SPIDR: variants seen among roughly 807,000 people sequenced by gnomAD.
SPIDR encodes the protein DNA repair-scaffolding protein.
A neutral mutation model predicts 104.6 loss-of-function variants in SPIDR; 93 were observed. The observed-to-expected ratio is 0.89, with a 90% CI of 0.75 to 1.06. SPIDR has a LOEUF of 1.06. Ranked by LOEUF, SPIDR falls within the 50% of genes least tolerant of loss-of-function variation. The pLI, the probability that SPIDR is intolerant of heterozygous loss-of-function variation, is 0.00. For missense variants in SPIDR, 1,154 were observed against 1,111.2 expected, an observed-to-expected ratio of 1.04 and a Z score of -0.55; for synonymous variants, 431 against 416.9, an observed-to-expected ratio of 1.03 and a Z score of -0.41.
At chr8:47,695,757 G>C (rs1393490565) in intron 11 of SPIDR, among the ~76,000 whole-genome samples, 1 of 152,186 alleles carries the variant, frequency 6.6e-6, no homozygotes, top group Non-Finnish European at 1.5e-5. Flanking sequence ...TTTTCCAAAT[G>C]ACATTTGTCA....
At chr8:47,563,255 G>C (rs1043442570) in intron 8 of SPIDR, among the ~76,000 whole-genome samples, 3 of 151,806 alleles carry the variant, frequency 2.0e-5, no homozygotes, top group Admixed American at 6.6e-5. Context: ...CTGCAGCCTC[G>C]AACTCCTAGG....
At chr8:47,624,894 G>A (rs923523024) in intron 10 of SPIDR, among the ~76,000 whole-genome samples, 96 of 152,016 alleles carry the variant, frequency 6.3e-4, no homozygotes, top group African/African-American at 1.4e-3. Flanking sequence ...TTATGAGGCC[G>A]GCATCATCCT....
At chr8:47,389,481 A>C (rs1563818641) in intron 5 of SPIDR, among the ~76,000 whole-genome samples, 1 of 152,050 alleles carries the variant, frequency 6.6e-6, no homozygotes, top group East Asian at 1.9e-4. Context: ...CGAGGTCAGG[A>C]GATCAAGACC....
At chr8:47,716,212 G>T (rs535150744) in intron 16 of SPIDR, among the ~76,000 whole-genome samples, 1 of 152,034 alleles carries the variant, frequency 6.6e-6, no homozygotes, top group African/African-American at 2.4e-5. Flanking sequence ...CACCCACCTC[G>T]GCCTCCCAAA....
chr8:47,295,973 C>G (rs937252606), intron 5 of SPIDR, among the ~76,000 whole-genome samples: 1 of 152,156 alleles, frequency 6.6e-6, no homozygotes, highest in African/African-American at 2.4e-5. Flanking sequence ...TTTTGATAGT[C>G]TTTCTAACAG....
chr8:47,658,432 T>G (rs935639249), intron 10 of SPIDR, among the ~76,000 whole-genome samples: 1 of 147,242 alleles, frequency 6.8e-6, no homozygotes, highest in Non-Finnish European at 1.5e-5. Flanking sequence ...AAAAAAAAAA[T>G]AGTTCGATAT....
intron 8 of SPIDR, among the ~76,000 whole-genome samples, chr8:47,478,169 G>A (rs782162374): frequency 1.3e-5 from 2 of 152,162 alleles, no homozygotes; most frequent in Non-Finnish European, 2.9e-5. Context: ...TAGAAAACCC[G>A]ACAGAAATAA....
intron 8 of SPIDR, among the ~76,000 whole-genome samples, chr8:47,466,683 A>G (rs2074832508): frequency 6.6e-6 from 1 of 151,290 alleles, no homozygotes; most frequent in African/African-American, 2.5e-5. Flanking sequence ...CAACATGGTG[A>G]AACCCCGTCT....
chr8:47,404,693 A>T (rs2062466774), intron 6 of SPIDR, among the ~76,000 whole-genome samples: 1 of 152,160 alleles, frequency 6.6e-6, no homozygotes. Flanking sequence ...TTAAAAAGTC[A>T]GGAAACAACG....
At chr8:47,669,504 T>A (rs2154470510) in intron 10 of SPIDR, among the ~76,000 whole-genome samples, 2 of 151,872 alleles carry the variant, frequency 1.3e-5, no homozygotes, top group South Asian at 4.2e-4. Flanking sequence ...AGAAGAAGAG[T>A]GATAACTCGT....
At chr8:47,686,899 T>C (rs1049479046) in intron 11 of SPIDR, among the ~76,000 whole-genome samples, 3 of 152,084 alleles carry the variant, frequency 2.0e-5, no homozygotes, top group Non-Finnish European at 2.9e-5. Context: ...ATTAAATCCA[T>C]AGTAAATAAT....
intron 5 of SPIDR, among the ~76,000 whole-genome samples, chr8:47,383,099 C>T (rs1471751444): frequency 1.3e-5 from 2 of 152,216 alleles, no homozygotes; most frequent in African/African-American, 4.8e-5. Context: ...GCTGCATCCT[C>T]ACCCTACCCA....
At chr8:47,277,236 G>A (rs2036618860) in intron 1 of SPIDR, among the ~76,000 whole-genome samples, 2 of 151,620 alleles carry the variant, frequency 1.3e-5, no homozygotes, top group South Asian at 2.1e-4. Flanking sequence ...CCCTGTTTTA[G>A]TTTTGGGTAT....
chr8:47,317,692 C>A (rs920815970), intron 5 of SPIDR, among the ~76,000 whole-genome samples: 1 of 152,062 alleles, frequency 6.6e-6, no homozygotes, highest in Non-Finnish European at 1.5e-5. Context: ...CTGGGAGGCA[C>A]CCCCTAGTAG....
intron 11 of SPIDR, among the ~76,000 whole-genome samples, chr8:47,690,118 GGGTTTT>G (rs2078427135): frequency 6.6e-6 from 1 of 152,120 alleles, no homozygotes; most frequent in Non-Finnish European, 1.5e-5. Flanking sequence ...GTGGTAGTGT[GGGTTTT>G]TCCACCTCCA....
intron 10 of SPIDR, among the ~76,000 whole-genome samples, chr8:47,644,927 C>T (rs2070012611): frequency 6.6e-6 from 1 of 152,146 alleles, no homozygotes; most frequent in South Asian, 2.1e-4. Context: ...CCAGCTATTG[C>T]AAAGAAAAGG....
At chr8:47,647,259 C>G (rs1191470019) in intron 10 of SPIDR, among the ~76,000 whole-genome samples, 2 of 152,074 alleles carry the variant, frequency 1.3e-5, no homozygotes. Flanking sequence ...ATAAATAAAT[C>G]CATACACCAT....
rs1011694627 is a variant in SPIDR, at chr8:47,691,886, G to A, written c.1686-8517G>A. ...GTAGAGTGCTGAAGCCACTGGGCTC[G>A]CTCCCAACCCTGTGCTGCTCCTGGG... On this transcript the variant is annotated intron_variant, in intron 11 of 19. Coordinates refer to ENST00000297423, the MANE Select transcript of SPIDR (RefSeq NM_001080394.4). Among the ~76,000 whole-genome samples the A allele has an allele frequency of 3.9e-5, 6 of 152,288 alleles. No individual in the cohort carries two copies. The South Asian group carries it at 1.0e-3, about 26-fold the overall frequency.
chr8:47,583,868 A>C (rs2059996712), intron 8 of SPIDR, among the ~76,000 whole-genome samples: 1 of 152,198 alleles, frequency 6.6e-6, no homozygotes, highest in South Asian at 2.1e-4. Flanking sequence ...CAGCTCCCAG[A>C]GGGGCCGCCC....
Sources: gnomAD v4.1 joint callset for allele counts (sites outside exome capture counted in the v4.1 genomes callset) on GRCh38, gnomAD v4.1.1 for gene constraint, MANE v1.5 for transcripts, NCBI Gene and HGNC (gene_info 2026-07-23, HGNC 2026-07-21) for gene names.